CTNND2: variants seen among roughly 807,000 people sequenced by gnomAD.
The protein encoded by CTNND2 is catenin delta-2.
In CTNND2, 22 loss-of-function variants were observed where a neutral mutation model predicts 144.4. The observed-to-expected ratio is 0.15, with a 90% CI of 0.11 to 0.22. The LOEUF is 0.22. Among genes scored for constraint, CTNND2 ranks in the 10% least tolerant of loss-of-function variants. The pLI, the probability that CTNND2 is intolerant of heterozygous loss-of-function variation, is 1.00. For synonymous variants in CTNND2, 751 were observed against 695.6 expected, an observed-to-expected ratio of 1.08 and a Z score of -1.25; for missense variants, 1,353 against 1,618.8, an observed-to-expected ratio of 0.84 and a Z score of 2.82.
chr5:11,595,882 T>G (rs1779478326), intron 2 of CTNND2, among the ~76,000 whole-genome samples: 1 of 152,242 alleles, frequency 6.6e-6, no homozygotes, highest in South Asian at 2.1e-4. Flanking sequence ...ACACATCTGC[T>G]ATATGGAATC....
In CTNND2 at chr5:11,172,540, G is replaced by C. The variant is rs114989927; in HGVS notation, c.1976-12781C>G. On this transcript the variant is annotated intron_variant, in intron 11 of 21. Transcript: ENST00000304623. The stretch of plus-strand genomic sequence containing the variant: ...ATCTCACAAACATTCAGCAATTTTG[G>C]TTCAGTTCCTCTGCAGAGCTGGGAA... 1.7e-3 allele frequency among the ~76,000 whole-genome samples: 260 copies of C among 152,284 alleles called. 2 individuals are homozygous for C. Among genetic ancestry groups the C allele is most frequent in the African/African-American group, 5.9e-3 (245 of 41,554 alleles).
At chr5:11,671,052 T>C (rs1283091331) in intron 2 of CTNND2, among the ~76,000 whole-genome samples, 8 of 152,226 alleles carry the variant, frequency 5.3e-5, no homozygotes, top group Non-Finnish European at 1.2e-4. Flanking sequence ...TTTGGCTGCA[T>C]ATGAAATTCT....
rs73743752 is a variant in CTNND2, at chr5:11,307,519, G to A, written c.1628+38853C>T. 5.4e-3 allele frequency among the ~76,000 whole-genome samples: 826 copies of A among 152,166 alleles called. 6 individuals are homozygous for A. The highest frequency in any genetic ancestry group is 0.019 in the African/African-American group (797 of 41,524). ...AAGAAAGTTTCGCTTGCTGAACAAT[G>A]CCTATATTTTAAAATAACCTCTCAC... is the stretch of plus-strand genomic sequence containing the variant. On this transcript the variant is annotated intron_variant, in intron 9 of 21. Coordinates refer to ENST00000304623, the MANE Select transcript of CTNND2 (RefSeq NM_001332.4).
At chr5:11,087,210 T>C (rs758341) in intron 15 of CTNND2, among the ~76,000 whole-genome samples, 114,131 of 152,134 alleles carry the variant, frequency 0.75, 43,842 homozygotes, top group African/African-American at 0.93. Flanking sequence ...AAATGGCATG[T>C]GATTCCTAAA....
chr5:11,123,879 A>T (rs1047092488), intron 12 of CTNND2, among the ~76,000 whole-genome samples: 1 of 152,160 alleles, frequency 6.6e-6, no homozygotes, highest in Non-Finnish European at 1.5e-5. Flanking sequence ...ATAGACTCTG[A>T]ACAACACTCC....
At position 11,384,800 on chromosome 5, in the gene CTNND2, G is replaced by T; in HGVS notation, c.1042C>A (p.Gln348Lys). The change falls in exon 7 of 22, where the codon CAG becomes AAG. Residue 348 changes from glutamine to lysine, a missense_variant. Around this residue, in one of 4 missense-constraint regions of CTNND2, gnomAD observed 708 missense variants for 706.4 expected, o/e 1.00. Coordinates refer to ENST00000304623, the MANE Select transcript of CTNND2 (RefSeq NM_001332.4). The surrounding 1 kb of genome is among the most constrained non-coding windows in gnomAD (Gnocchi z 5.2). ...QSTISSSPIHQLSSTIGTYAT... is the reference protein window; with the variant it reads ...QSTISSSPIHKLSSTIGTYAT... ...TACGTGCCGATGGTGGAGCTCAGCT[G>T]GTGGATGGGCGAGGAGGAGATGGTG... is the stretch of plus-strand genomic sequence containing the variant. The T allele has an allele frequency of 6.2e-7, 1 of 1,613,354 alleles. No homozygotes were observed. Among genetic ancestry groups the T allele is most frequent in the Non-Finnish European group, 8.5e-7 (1 of 1,179,744 alleles).
chr5:11,501,955 C>T (rs1056549407), intron 3 of CTNND2, among the ~76,000 whole-genome samples: 1 of 144,070 alleles, frequency 6.9e-6, no homozygotes, highest in African/African-American at 2.6e-5. Flanking sequence ...GTGAACCCAG[C>T]AGACGGAGCT....
chr5:11,546,216 A>C (rs942677934), intron 3 of CTNND2, among the ~76,000 whole-genome samples: 8 of 152,086 alleles, frequency 5.3e-5, no homozygotes, highest in Non-Finnish European at 8.8e-5. Context: ...AAATCTGAGA[A>C]TATATTAAAA....
At chr5:11,227,706 AG>A (rs1238722784) in intron 10 of CTNND2, among the ~76,000 whole-genome samples, 1 of 152,176 alleles carries the variant, frequency 6.6e-6, no homozygotes, top group Non-Finnish European at 1.5e-5. Flanking sequence ...GGGAGGGGAA[AG>A]GTATGCATAT....
chr5:11,261,443 C>T (rs1294977293), intron 9 of CTNND2, among the ~76,000 whole-genome samples: 1 of 152,218 alleles, frequency 6.6e-6, no homozygotes, highest in East Asian at 1.9e-4. Flanking sequence ...GGGTGCTTTG[C>T]AATCGAGACT....
intron 3 of CTNND2, among the ~76,000 whole-genome samples, chr5:11,537,915 T>C (rs2150065146): frequency 6.6e-6 from 1 of 152,324 alleles, no homozygotes; most frequent in East Asian, 1.9e-4. Flanking sequence ...TAAGTGCTGC[T>C]TTTGTGCTCA....
intron 1 of CTNND2, among the ~76,000 whole-genome samples, chr5:11,902,645 G>A (rs1738001784): frequency 6.6e-6 from 1 of 152,168 alleles, no homozygotes; most frequent in African/African-American, 2.4e-5. Flanking sequence ...ATTTACACCT[G>A]TCAGGCCTAA....
chr5:11,794,605 A>G (rs1791305474), intron 1 of CTNND2, among the ~76,000 whole-genome samples: 1 of 152,194 alleles, frequency 6.6e-6, no homozygotes, highest in South Asian at 2.1e-4. Context: ...CATAACTTAT[A>G]CATCTTTGTC....
rs1044889650 is a variant in CTNND2, at chr5:10,985,948, C to G, written c.3343+2163G>C. On this transcript the variant is annotated intron_variant, in intron 20 of 21. Transcript: ENST00000304623. ...CCATCACCTCCATCACCCTCACTAC[C>G]ACCACCACCACCATCATTGTTGTGA... Among the ~76,000 whole-genome samples the G allele has an allele frequency of 3.3e-5, 5 of 152,118 alleles. No homozygotes were observed. The East Asian group carries it at 9.6e-4, about 29-fold the overall frequency.
chr5:11,228,743 G>A (rs1351298612), intron 10 of CTNND2, among the ~76,000 whole-genome samples: 2 of 152,048 alleles, frequency 1.3e-5, no homozygotes, highest in Admixed American at 6.6e-5. Context: ...GCCTCCAAAA[G>A]TGCTAGGATT....
intron 8 of CTNND2, 73 bp downstream of exon 8, chr5:11,364,623 G>C (rs1188011676): frequency 8.2e-7 from 1 of 1,224,158 alleles, no homozygotes; most frequent in Non-Finnish European, 1.1e-6. Context: ...TTTCATTTGG[G>C]AGTGTTATTG....
intron 9 of CTNND2, among the ~76,000 whole-genome samples, chr5:11,311,371 A>G (rs1344219691): frequency 0.037 from 3,921 of 104,718 alleles, 185 homozygotes; most frequent in African/African-American, 0.039. Context: ...ATGTACATAT[A>G]CTCTAACATT....
intron 9 of CTNND2, among the ~76,000 whole-genome samples, chr5:11,250,455 T>TGC (rs1743439639): frequency 2.7e-5 from 2 of 72,950 alleles, no homozygotes; most frequent in South Asian, 5.7e-4. Context: ...ATTTAAAGGG[T>TGC]GCTCTCTCTC....
intron 3 of CTNND2, among the ~76,000 whole-genome samples, chr5:11,466,385 C>T (rs966265476): frequency 1.3e-5 from 2 of 152,088 alleles, no homozygotes; most frequent in Admixed American, 6.5e-5. Flanking sequence ...TTCAGTATCC[C>T]AGGACTTATC....
Sources: allele counts gnomAD v4.1 joint callset (sites outside exome capture counted in the v4.1 genomes callset), GRCh38; gene constraint gnomAD v4.1.1; regional missense constraint gnomAD v4.1.1; non-coding constraint Gnocchi (gnomAD v3.1); transcripts MANE v1.5; gene names NCBI Gene and HGNC (gene_info 2026-07-23, HGNC 2026-07-21).